Variants in PRLR observed in about 807,000 individuals in gnomAD.
The protein encoded by PRLR is hPRL receptor.
A neutral mutation model predicts 40.2 loss-of-function variants in PRLR; 13 were observed. The ratio of observed to expected loss-of-function variants is 0.32; its 90% confidence interval spans 0.21 to 0.51. The LOEUF is 0.51. PRLR is among the 20% of genes least tolerant of loss of function. The probability of loss-of-function intolerance (pLI) is 0.97; values close to 1 mark genes in which losing one functional copy is unlikely to be tolerated. For synonymous variants in PRLR, 269 were observed against 278.7 expected (o/e 0.97, Z 0.35); for missense variants, 656 against 747.3 (o/e 0.88, Z 1.42).
chr5:35,188,301 AT>A lies in PRLR; in HGVS notation c.-106+41966del, dbSNP rs199583951. Among the ~76,000 whole-genome samples, 579 of 152,220 alleles carry A rather than the reference AT, an allele frequency of 3.8e-3. 2 individuals carry two copies. The highest frequency in any genetic ancestry group is 0.013 in the African/African-American group (538 of 41,520). ...CATAAAAGATCAACATACCTTATTT[AT>A]TTTTTAAAGGACTGATTCTAATCGG... is the stretch of plus-strand genomic sequence containing the variant. On this transcript the variant is annotated intron_variant, in intron 1 of 9. Coordinates refer to ENST00000618457, the MANE Select transcript of PRLR (RefSeq NM_000949.7).
At chr5:35,048,880 G>T (rs539732293) in exon 9 of PRLR, 4 of 327,742 alleles carry the variant, frequency 1.2e-5, no homozygotes, top group South Asian at 1.0e-4. Flanking sequence ...CAGTGACAAA[G>T]CTGATTGCAA....
Position 35,194,264 on chromosome 5 carries a change from T to C in PRLR, c.-106+36004A>G, listed in dbSNP as rs150651607. Among the ~76,000 whole-genome samples the C allele has an allele frequency of 6.7e-3, 1,024 of 152,288 alleles. 13 individuals carry two copies. The highest frequency in any genetic ancestry group is 0.024 in the African/African-American group (981 of 41,554). Reference sequence around the variant, plus strand: ...CTGGGCTCTCAGGATGAAGCTGACATGGTTCCTGCCCTCATGACCTCATGA... The same window carrying C: ...CTGGGCTCTCAGGATGAAGCTGACACGGTTCCTGCCCTCATGACCTCATGA... On this transcript the variant is annotated intron_variant, in intron 1 of 9. Transcript: ENST00000618457.
chr5:35,210,686 T>A (rs1166671016), intron 1 of PRLR, among the ~76,000 whole-genome samples: 1 of 152,200 alleles, frequency 6.6e-6, no homozygotes, highest in Admixed American at 6.5e-5. Flanking sequence ...TTAGTATCCA[T>A]CAGAGACAAA....
chr5:35,192,808 G>C (rs779356138), intron 1 of PRLR, among the ~76,000 whole-genome samples: 5 of 152,200 alleles, frequency 3.3e-5, no homozygotes, highest in Admixed American at 6.5e-5. Flanking sequence ...AAAGCTTAAT[G>C]GTAGGAATTC....
intron 1 of PRLR, among the ~76,000 whole-genome samples, chr5:35,172,074 G>A (rs7713249): frequency 0.014 from 2,145 of 152,272 alleles, 66 homozygotes; most frequent in African/African-American, 0.049. Flanking sequence ...GGTTAACAGT[G>A]CAAGCTACAT....
At chr5:35,140,148 G>A (rs1056097559) in intron 1 of PRLR, among the ~76,000 whole-genome samples, 3 of 152,172 alleles carry the variant, frequency 2.0e-5, no homozygotes, top group East Asian at 3.9e-4. Context: ...GAAATGATGC[G>A]CTATTATGTT....
chr5:35,076,504 A>G (rs746604410), intron 5 of PRLR, among the ~76,000 whole-genome samples: 1 of 152,204 alleles, frequency 6.6e-6, no homozygotes, highest in Non-Finnish European at 1.5e-5. Context: ...AAAAAAGAGT[A>G]AAAAGAAATG....
At chr5:35,229,826 G>A (rs1269077171) in intron 1 of PRLR, among the ~76,000 whole-genome samples, 1 of 151,954 alleles carries the variant, frequency 6.6e-6, no homozygotes, top group South Asian at 2.1e-4. Context: ...CACATCACCT[G>A]TCTGCGCCCC....
intron 4 of PRLR, 44 bp downstream of exon 4, chr5:35,086,164 G>A: frequency 6.2e-7 from 1 of 1,608,048 alleles, no homozygotes. Context: ...TGGAGAATGG[G>A]AGTACTCATG....
At position 35,068,077 on chromosome 5, in the gene PRLR, A is replaced by G. The variant is rs1769488463; in HGVS notation, c.855+139T>C. 5.5e-6 allele frequency: 4 copies of G among 730,792 alleles called. No homozygotes were observed. In the Admixed American group the frequency reaches 8.2e-5, roughly 15 times the overall value. The allele number at this position is 730,792 out of a possible 1,614,324, so 45.3% of individuals were successfully genotyped here. A position where few individuals can be genotyped will look rare whatever the true frequency, so the allele number is the denominator to read the frequency against. ...CCTTCACACAACTTTCTGTTAACAC[A>G]CATGCTGACCAGGAGAGACAGTCCA... On this transcript the variant is annotated intron_variant, in intron 9 of 9. Coordinates refer to ENST00000618457, the MANE Select transcript of PRLR (RefSeq NM_000949.7).
intron 2 of PRLR, among the ~76,000 whole-genome samples, chr5:35,112,138 T>C (rs1405070982): frequency 2.0e-5 from 3 of 152,216 alleles, no homozygotes; most frequent in African/African-American, 7.2e-5. Flanking sequence ...CCCTGCTTCT[T>C]AGCCTGTGTT....
At chr5:35,096,202 G>A (rs1431001766) in intron 2 of PRLR, among the ~76,000 whole-genome samples, 2 of 152,232 alleles carry the variant, frequency 1.3e-5, no homozygotes, top group Admixed American at 6.5e-5. Flanking sequence ...TTGCACTGGA[G>A]TCACTTTAAT....
chr5:35,212,362 C>T (rs189902072), intron 1 of PRLR, among the ~76,000 whole-genome samples: 46 of 152,284 alleles, frequency 3.0e-4, no homozygotes, highest in Admixed American at 2.5e-3. Context: ...CTGGGTTCCC[C>T]ACCTACTAAG....
At chr5:35,222,768 C>T (rs1328122892) in intron 1 of PRLR, among the ~76,000 whole-genome samples, 1 of 152,178 alleles carries the variant, frequency 6.6e-6, no homozygotes, top group Non-Finnish European at 1.5e-5. Flanking sequence ...ATTCTAATTT[C>T]ACCTCCCTGA....
At chr5:35,104,726 C>G (rs1433970872) in intron 2 of PRLR, among the ~76,000 whole-genome samples, 1 of 152,186 alleles carries the variant, frequency 6.6e-6, no homozygotes, top group Non-Finnish European at 1.5e-5. Flanking sequence ...GGCCAGGAAG[C>G]TCGAACTGGG....
At chr5:35,115,596 G>C (rs1772966845) in intron 2 of PRLR, among the ~76,000 whole-genome samples, 1 of 152,052 alleles carries the variant, frequency 6.6e-6, no homozygotes. Flanking sequence ...AGAGAGTTAA[G>C]GGCAGAAGTG....
chr5:35,122,898 T>C (rs563654037), intron 1 of PRLR, among the ~76,000 whole-genome samples: 2 of 152,084 alleles, frequency 1.3e-5, no homozygotes, highest in Admixed American at 1.3e-4. Context: ...AAATCTTGAT[T>C]GAGATTGAGA....
intron 1 of PRLR, among the ~76,000 whole-genome samples, chr5:35,186,478 A>C (rs1775436269): frequency 6.6e-6 from 1 of 152,110 alleles, no homozygotes; most frequent in African/African-American, 2.4e-5. Context: ...CCCTGGAGAG[A>C]TCTTAGAGGG....
intron 1 of PRLR, among the ~76,000 whole-genome samples, chr5:35,137,115 G>T (rs879427821): frequency 2.6e-5 from 4 of 152,074 alleles, no homozygotes; most frequent in South Asian, 2.1e-4. Flanking sequence ...GGGTGAGGAC[G>T]CATGCAATAA....
Sources: allele counts gnomAD v4.1 joint callset (sites outside exome capture counted in the v4.1 genomes callset), GRCh38; gene constraint gnomAD v4.1.1; transcripts MANE v1.5; gene names NCBI Gene and HGNC (gene_info 2026-07-23, HGNC 2026-07-21).